The following KCNJ8 variants were observed in gnomAD, a reference collection of about 807,000 sequenced individuals.
KCNJ8 encodes the protein potassium inwardly rectifying channel subfamily J member 8.
KCNJ8 carries 13 observed loss-of-function variants against 28.2 expected under a neutral mutation model. The ratio of observed to expected loss-of-function variants is 0.46; its 90% CI spans 0.30 to 0.73. The LOEUF is 0.73. KCNJ8 is among the 30% of genes least tolerant of loss of function. The pLI is 0.07. For synonymous variants in KCNJ8, 188 were observed against 195.9 expected (o/e 0.96, Z 0.34); for missense variants, 284 against 542.6 (o/e 0.52, Z 4.73).
chr12:21,766,662 A>G lies in KCNJ8; in HGVS notation c.375-39T>C. On this transcript the variant is annotated intron_variant, in intron 2 of 2. Coordinates refer to ENST00000240662, the MANE Select transcript of KCNJ8 (RefSeq NM_004982.4). This position sits in a 1 kb window ranked among gnomAD's most constrained non-coding sequence, Gnocchi z 6.5. ...TATCAGAAAAGAACACCATCAGGTC[A>G]CATTTTGAATAATGAAATATGCCAA... 6.7e-7 allele frequency: 1 copy of G among 1,485,746 alleles called. No homozygotes were observed. 92.0% of individuals were successfully genotyped at this position (1,485,746 alleles called of 1,614,324 possible).
Position 21,765,684 on chromosome 12 carries a change from C to G in KCNJ8, c.*39G>C. ...TCTGGCAGTGCCCAGCATAAACCGT[C>G]AAAACTTGATAAAAGACTGTCTTGG... On this transcript the variant is annotated 3_prime_UTR_variant, in exon 3 of 3. Transcript: ENST00000240662. 1 of 1,595,470 alleles carries G rather than the reference C, an allele frequency of 6.3e-7. No individual in the cohort carries two copies. The highest frequency in any genetic ancestry group is 1.7e-5 in the Admixed American group (1 of 59,980).
At chr12:21,772,957 G>A (rs1940795833) in intron 2 of KCNJ8, among the ~76,000 whole-genome samples, 1 of 152,144 alleles carries the variant, frequency 6.6e-6, no homozygotes, top group African/African-American at 2.4e-5. Flanking sequence ...AGCACTCTGT[G>A]TAATCCTTTG....
Position 21,766,092 on chromosome 12 carries a change from A to T in KCNJ8, c.906T>A (p.Thr302=). 2 of 1,614,218 alleles carry T rather than the reference A, an allele frequency of 1.2e-6. No homozygotes were observed. Among genetic ancestry groups the T allele is most frequent in the East Asian group, 4.5e-5 (2 of 44,882 alleles). The change falls in exon 3 of 3, where the codon ACT becomes ACA. Residue 302 remains threonine (T), a synonymous_variant. Transcript: ENST00000240662. This position sits in a 1 kb window ranked among gnomAD's most constrained non-coding sequence, Gnocchi z 6.5. ...VIVILEGVVE[T]TGITTQARTS... Reference sequence around the variant, plus strand: ...TTCGTGCTTGTGTGGTGATGCCAGTAGTTTCAACCACTCCTTCCAGAATAA... The same window carrying T: ...TTCGTGCTTGTGTGGTGATGCCAGTTGTTTCAACCACTCCTTCCAGAATAA...
At chr12:21,769,122 T>C (rs1940700956) in intron 2 of KCNJ8, among the ~76,000 whole-genome samples, 1 of 152,226 alleles carries the variant, frequency 6.6e-6, no homozygotes. Flanking sequence ...ATGCTTGGCT[T>C]CAAAGCATCA....
rs745683723 is a variant in KCNJ8 at position 21,766,191 on chromosome 12, G to A, written c.807C>T (p.His269=). 18 of 1,613,980 alleles carry A rather than the reference G, an allele frequency of 1.1e-5. No individual in the cohort carries two copies. The highest frequency in any genetic ancestry group is 6.7e-5 in the Admixed American group (4 of 59,980). The change falls in exon 3 of 3, where the codon CAC becomes CAT. Residue 269 remains histidine, a synonymous_variant. Coordinates refer to ENST00000240662, the MANE Select transcript of KCNJ8 (RefSeq NM_004982.4). This position sits in a 1 kb window ranked among gnomAD's most constrained non-coding sequence, Gnocchi z 6.5. ...ACAGGGGACTGCGCTTGTCAATCACGTGGCAGATGATCAAAGGGGCCACCA... is the reference window on the plus strand; with the variant it reads ...ACAGGGGACTGCGCTTGTCAATCACATGGCAGATGATCAAAGGGGCCACCA... ...IFLVAPLIIC[H]VIDKRSPLYD... is the part of the protein sequence containing the mutation.
chr12:21,773,697 G>A lies in KCNJ8; in HGVS notation c.-70-11C>T, dbSNP rs966201817. 182 of 1,589,378 alleles carry A rather than the reference G, an allele frequency of 1.1e-4. No individual in the cohort carries two copies. Among genetic ancestry groups the A allele is most frequent in the Non-Finnish European group, 1.3e-4 (154 of 1,170,404 alleles). ...TGGACACCCGTCCTCCTGCACGAGG[G>A]AAACATTTATTAAAAACTTAAAAAC... On this transcript the variant is annotated splice_polypyrimidine_tract_variant and intron_variant, in intron 1 of 2. Coordinates refer to ENST00000240662, the MANE Select transcript of KCNJ8 (RefSeq NM_004982.4). This position sits in a 1 kb window ranked among gnomAD's most constrained non-coding sequence, Gnocchi z 4.6.
rs1940634003 is a variant in KCNJ8, at chr12:21,766,797, C to G, written c.375-174G>C. The G allele has an allele frequency of 1.6e-6, 1 of 640,946 alleles. No individual in the cohort carries two copies. Among genetic ancestry groups the G allele is most frequent in the Non-Finnish European group, 2.8e-6 (1 of 359,890 alleles). The allele number at this position is 640,946 out of a possible 1,614,324, so 39.7% of individuals were successfully genotyped here. A position where few individuals can be genotyped will look rare whatever the true frequency, so the allele number is the denominator to read the frequency against. ...CTAAACTGTGTTTAGAACAGTCTCT[C>G]TCTCTCTTGCATGCATCTACCTCCA... On this transcript the variant is annotated intron_variant, in intron 2 of 2. Transcript: ENST00000240662. This position sits in a 1 kb window ranked among gnomAD's most constrained non-coding sequence, Gnocchi z 6.5.
intron 2 of KCNJ8, among the ~76,000 whole-genome samples, chr12:21,769,314 A>T (rs146664661): frequency 6.6e-6 from 1 of 152,198 alleles, no homozygotes; most frequent in Admixed American, 6.5e-5. Context: ...AGCATGATTT[A>T]TTAAATATTT....
At chr12:21,770,825 T>C (rs1940740106) in intron 2 of KCNJ8, among the ~76,000 whole-genome samples, 1 of 152,240 alleles carries the variant, frequency 6.6e-6, no homozygotes, top group African/African-American at 2.4e-5. Context: ...TCTAACTTTA[T>C]AGAAGACAAG....
rs762010699 is a variant in KCNJ8, at chr12:21,773,646, C to T, written c.-30G>A. On this transcript the variant is annotated 5_prime_UTR_variant, in exon 2 of 3. Coordinates refer to ENST00000240662, the MANE Select transcript of KCNJ8 (RefSeq NM_004982.4). This position sits in a 1 kb window ranked among gnomAD's most constrained non-coding sequence, Gnocchi z 4.6. ...CTGTCACCATAGCCAGCTTAGCCAC[C>T]TCCCTCTCACCTGCCTCTCCGTCCC... 1.2e-6 allele frequency: 2 copies of T among 1,608,630 alleles called. No homozygotes were observed. The highest frequency in any genetic ancestry group is 1.7e-6 in the Non-Finnish European group (2 of 1,179,988).
chr12:21,768,545 A>T (rs2137048876), intron 2 of KCNJ8, among the ~76,000 whole-genome samples: 1 of 152,356 alleles, frequency 6.6e-6, no homozygotes, highest in South Asian at 2.1e-4. Context: ...TCTCACTTTA[A>T]ATCAAAAGCA....
rs368920369 is a variant in KCNJ8, at chr12:21,773,331, A to C, written c.286T>G (p.Phe96Val). ...TAAGCATAGATGTCCCCATGGGCAA[A>C]GGCCACCAGCCACCACATGATAGCG... ...LFAIMWWLVA[F>V]AHGDIYAYME... The change falls in exon 2 of 3, where the codon TTT (phenylalanine) becomes GTT (valine). Residue 96 changes from phenylalanine to valine, a missense_variant. Coordinates refer to ENST00000240662, the MANE Select transcript of KCNJ8 (RefSeq NM_004982.4). The surrounding 1 kb of genome is among the most constrained non-coding windows in gnomAD (Gnocchi z 4.6). 50 of 1,614,096 alleles carry C rather than the reference A, an allele frequency of 3.1e-5. No homozygotes were observed. The highest frequency in any genetic ancestry group is 4.2e-5 in the Non-Finnish European group (49 of 1,180,050).
At chr12:21,767,985 A>AG (rs1429079940) in intron 2 of KCNJ8, among the ~76,000 whole-genome samples, 1 of 152,084 alleles carries the variant, frequency 6.6e-6, no homozygotes, top group Non-Finnish European at 1.5e-5. Flanking sequence ...GTAATTGTTT[A>AG]GGGCAGCAGT....
rs1565662171 is a variant in KCNJ8 at position 21,773,493 on chromosome 12, C to G, written c.124G>C (p.Ala42Pro). The change falls in exon 2 of 3, where the codon GCC (alanine) becomes CCC (proline). Residue 42 changes from alanine to proline, a missense_variant. Ala to Pro is a conservative substitution (Grantham distance 27). Transcript: ENST00000240662. The surrounding 1 kb of genome is among the most constrained non-coding windows in gnomAD (Gnocchi z 4.6). ...ATGTTCTTATGCGCCAGGTTGCAGG[C>G]CCCGCTCTTGGCGATGAAGCGGGCT... ...PKARFIAKSG[A>P]CNLAHKNIRE... is the part of the protein sequence containing the mutation. 6.2e-7 allele frequency: 1 copy of G among 1,614,138 alleles called. No individual in the cohort carries two copies. The highest frequency in any genetic ancestry group is 8.5e-7 in the Non-Finnish European group (1 of 1,180,050).
In KCNJ8 at chr12:21,773,470, G is replaced by A; in HGVS notation, c.147C>T (p.Asn49=). 6.2e-7 allele frequency: 1 copy of A among 1,614,272 alleles called. No homozygotes were observed. The highest frequency in any genetic ancestry group is 1.1e-5 in the South Asian group (1 of 91,084). The change falls in exon 2 of 3, where the codon AAC becomes AAT. Residue 49 remains asparagine, a synonymous_variant. Transcript: ENST00000240662. This position sits in a 1 kb window ranked among gnomAD's most constrained non-coding sequence, Gnocchi z 4.6. ...GTAGAAAGCGTCCTTGCTCACGGATGTTCTTATGCGCCAGGTTGCAGGCCC... is the reference window on the plus strand; with the variant it reads ...GTAGAAAGCGTCCTTGCTCACGGATATTCTTATGCGCCAGGTTGCAGGCCC... The part of the protein sequence containing the change: ...KSGACNLAHK[N]IREQGRFLQD...
chr12:21,773,743 G>T lies in KCNJ8; in HGVS notation c.-70-57C>A. The T allele has an allele frequency of 7.6e-7, 1 of 1,314,480 alleles. No homozygotes were observed. Among genetic ancestry groups the T allele is most frequent in the Non-Finnish European group, 1.1e-6 (1 of 929,498 alleles). 81.4% of individuals were successfully genotyped at this position (1,314,480 alleles called of 1,614,324 possible). ...AAAACCCACCCTATCCTCACCTCTT[G>T]GGTCCTTGTATTCAAGGATATGTCT... On this transcript the variant is annotated intron_variant, in intron 1 of 2. Transcript: ENST00000240662. This position sits in a 1 kb window ranked among gnomAD's most constrained non-coding sequence, Gnocchi z 4.6.
intron 2 of KCNJ8, among the ~76,000 whole-genome samples, chr12:21,768,315 G>A (rs955588787): frequency 2.0e-5 from 3 of 152,114 alleles, no homozygotes; most frequent in African/African-American, 7.2e-5. Context: ...CCCAAGGATT[G>A]GGAACCCCTA....
chr12:21,765,403 A>G lies in KCNJ8; in HGVS notation c.*320T>C. On this transcript the variant is annotated 3_prime_UTR_variant, in exon 3 of 3. Transcript: ENST00000240662. ...TTCAAACAGACTCATTTCTTGACCA[A>G]ATTTTGTGCTCAAGGCCTGTTACTA... 2.5e-6 allele frequency: 1 copy of G among 396,172 alleles called. No individual in the cohort carries two copies. The highest frequency in any genetic ancestry group is 4.7e-6 in the Non-Finnish European group (1 of 212,382). 24.5% of individuals were successfully genotyped at this position (396,172 alleles called of 1,614,324 possible). A position where few individuals can be genotyped will look rare whatever the true frequency, so the allele number is the denominator to read the frequency against.
intron 2 of KCNJ8, among the ~76,000 whole-genome samples, chr12:21,771,313 G>T (rs1940750020): frequency 6.6e-6 from 1 of 152,162 alleles, no homozygotes; most frequent in African/African-American, 2.4e-5. Flanking sequence ...ACAAGACCCA[G>T]CTTTTTACTG....
Sources: gnomAD v4.1 joint callset for allele counts (sites outside exome capture counted in the v4.1 genomes callset) on GRCh38, gnomAD v4.1.1 for gene constraint, Gnocchi (gnomAD v3.1) non-coding constraint, MANE v1.5 for transcripts, NCBI Gene and HGNC (gene_info 2026-07-23, HGNC 2026-07-21) for gene names.